The following ENTREP2 variants were observed in gnomAD, a reference collection of about 807,000 sequenced individuals.
The protein encoded by ENTREP2 is protein ENTREP2.
the ENTREP2 span, among the ~76,000 whole-genome samples, chr15:29,594,087 G>A: frequency 6.6e-6 from 1 of 151,842 alleles, no homozygotes; most frequent in South Asian, 2.1e-4. Flanking sequence ...ATCTATAATC[G>A]TTTTCCAAAA....
the ENTREP2 span, among the ~76,000 whole-genome samples, chr15:29,237,290 T>C: frequency 6.6e-6 from 1 of 152,216 alleles, no homozygotes; most frequent in African/African-American, 2.4e-5. Flanking sequence ...TCCCTGTCTG[T>C]AGCTTGTCTT....
At chr15:29,327,380 AT>A in the ENTREP2 span, among the ~76,000 whole-genome samples, 1 of 152,010 alleles carries the variant, frequency 6.6e-6, no homozygotes, top group Non-Finnish European at 1.5e-5. Flanking sequence ...GGATCACGAG[AT>A]TAGGAGGTTG....
At chr15:29,599,730 A>G in the ENTREP2 span, among the ~76,000 whole-genome samples, 2 of 152,220 alleles carry the variant, frequency 1.3e-5, no homozygotes, top group Admixed American at 6.5e-5. Context: ...CAGGCCATTT[A>G]CCCTGCAAGA....
chr15:29,268,492 C>G, the ENTREP2 span: 1 of 351,696 alleles, frequency 2.8e-6, no homozygotes, highest in Admixed American at 4.5e-5. Flanking sequence ...TGTGTTCCTT[C>G]TTGCATTATC....
chr15:29,234,326 C>G, the ENTREP2 span: 5 of 1,604,990 alleles, frequency 3.1e-6, no homozygotes, highest in South Asian at 1.1e-5. Context: ...TGAAGAGTAA[C>G]TAATGAGAAT....
At chr15:29,340,787 T>C in the ENTREP2 span, among the ~76,000 whole-genome samples, 3 of 152,308 alleles carry the variant, frequency 2.0e-5, no homozygotes, top group Middle Eastern at 3.4e-3. Context: ...GTATGAGAGA[T>C]GGGTGGATGA....
the ENTREP2 span, among the ~76,000 whole-genome samples, chr15:29,190,008 T>G: frequency 6.6e-6 from 1 of 152,176 alleles, no homozygotes; most frequent in East Asian, 1.9e-4. Flanking sequence ...TCCTGACTAT[T>G]CATAATGAGA....
chr15:29,236,832 C>T, the ENTREP2 span, among the ~76,000 whole-genome samples: 11 of 151,660 alleles, frequency 7.3e-5, no homozygotes, highest in South Asian at 4.2e-4. Flanking sequence ...TTTTCTGAAG[C>T]TAGTATTACT....
chr15:29,474,434 AC>A, the ENTREP2 span, among the ~76,000 whole-genome samples: 30 of 152,316 alleles, frequency 2.0e-4, no homozygotes, highest in Non-Finnish European at 4.0e-4. Flanking sequence ...ACAAATGACT[AC>A]GGTTCAGGTT....
At chr15:29,271,359 C>T in the ENTREP2 span, among the ~76,000 whole-genome samples, 6 of 152,160 alleles carry the variant, frequency 3.9e-5, no homozygotes, top group African/African-American at 1.4e-4. Context: ...GTCCCTACTG[C>T]AGGATGTGGA....
the ENTREP2 span, chr15:29,614,196 T>G: frequency 6.4e-6 from 1 of 155,916 alleles, no homozygotes; most frequent in Non-Finnish European, 1.4e-5. Flanking sequence ...TCCACTGGTA[T>G]GCAGGGGAGG....
At chr15:29,320,090 T>C in the ENTREP2 span, among the ~76,000 whole-genome samples, 3 of 152,198 alleles carry the variant, frequency 2.0e-5, no homozygotes, top group African/African-American at 4.8e-5. Flanking sequence ...CCGTGCAGCC[T>C]TCCTGTCTCA....
At chr15:29,572,917 G>A in the ENTREP2 span, among the ~76,000 whole-genome samples, 1 of 151,972 alleles carries the variant, frequency 6.6e-6, no homozygotes, top group African/African-American at 2.4e-5. Context: ...GGGTTGAGGG[G>A]TGCCCAAGTG....
At chr15:29,556,827 A>C in the ENTREP2 span, among the ~76,000 whole-genome samples, 1 of 135,046 alleles carries the variant, frequency 7.4e-6, no homozygotes, top group Non-Finnish European at 1.5e-5. Context: ...GTTCTACTCC[A>C]ACTCCGGCTC....
At chr15:29,407,879 A>G in the ENTREP2 span, among the ~76,000 whole-genome samples, 109 of 151,854 alleles carry the variant, frequency 7.2e-4, no homozygotes, top group Non-Finnish European at 1.6e-3. Context: ...GCGTTTCACC[A>G]TGTTGGCCAG....
the ENTREP2 span, among the ~76,000 whole-genome samples, chr15:29,496,155 T>G: frequency 6.6e-6 from 1 of 151,926 alleles, no homozygotes; most frequent in East Asian, 1.9e-4. Context: ...TTATTTTTGA[T>G]GCTATTGTAA....
At chr15:29,564,679 T>C in the ENTREP2 span, among the ~76,000 whole-genome samples, 1 of 152,172 alleles carries the variant, frequency 6.6e-6, no homozygotes, top group Non-Finnish European at 1.5e-5. Context: ...GGTGAGCAGC[T>C]CATGGTAGTT....
At chr15:29,362,786 G>C in the ENTREP2 span, among the ~76,000 whole-genome samples, 1 of 152,106 alleles carries the variant, frequency 6.6e-6, no homozygotes, top group African/African-American at 2.4e-5. Flanking sequence ...ATACTTCCAA[G>C]TGAAGTGACT....
chr15:29,138,480 G>C, the ENTREP2 span, among the ~76,000 whole-genome samples: 1 of 152,192 alleles, frequency 6.6e-6, no homozygotes, highest in Non-Finnish European at 1.5e-5. Flanking sequence ...GGGCCCTCCT[G>C]GCGCAGGGCA....
Sources: gnomAD v4.1 joint callset for allele counts (sites outside exome capture counted in the v4.1 genomes callset) on GRCh38, gnomAD v4.1.1 for gene constraint, MANE v1.5 for transcripts, NCBI Gene and HGNC (gene_info 2026-07-23, HGNC 2026-07-21) for gene names.